Variants in FGF13 observed in about 807,000 individuals in gnomAD.
FGF13 encodes the protein fibroblast growth factor homologous factor 2.
A neutral mutation model predicts 19.5 loss-of-function variants in FGF13; 2 were observed. The ratio of observed to expected loss-of-function variants is 0.10; its 90% CI spans 0.04 to 0.32. The LOEUF is 0.32. Among genes scored for constraint, FGF13 ranks in the 10% least tolerant of loss-of-function variants. The pLI, the probability that FGF13 is intolerant of heterozygous loss-of-function variation, is 1.00. For synonymous variants in FGF13, 72 were observed against 76.9 expected, an observed-to-expected ratio of 0.94 and a Z score of 0.33; for missense variants, 113 against 192.7, an observed-to-expected ratio of 0.59 and a Z score of 2.45.
intron 1 of FGF13, among the ~76,000 whole-genome samples, chrX:139,057,501 C>T (rs745987486): frequency 1.8e-5 from 2 of 111,486 alleles, no homozygotes; most frequent in Admixed American, 9.6e-5. Flanking sequence ...CAGGTATATA[C>T]CCAAAAGAAA....
At chrX:139,204,622 C>A (rs2084451708), upstream of FGF13, among the ~76,000 whole-genome samples, 1 of 112,887 alleles carries the variant, frequency 8.9e-6, no homozygotes, top group South Asian at 3.6e-4. Flanking sequence ...CGCTGCGGGC[C>A]GCCAACTCGA....
intron 1 of FGF13, among the ~76,000 whole-genome samples, chrX:139,075,198 C>T (rs1394998816): frequency 9.0e-6 from 1 of 111,642 alleles, no homozygotes; most frequent in Non-Finnish European, 1.9e-5. Flanking sequence ...GATTCATCCC[C>T]GCCCTATTCT....
In FGF13 at chrX:138,699,865, T is replaced by G. The variant is rs773708406; in HGVS notation, c.402+3119A>C. ...GTCCCTTTCTCAAGTGCTAGGTTCA[T>G]ATTTTCAAATATCCCTTGAAAGCTA... On this transcript the variant is annotated intron_variant, in intron 3 of 4. Coordinates refer to ENST00000315930, the MANE Select transcript of FGF13 (RefSeq NM_004114.5). Among the ~76,000 whole-genome samples the G allele has an allele frequency of 5.3e-4, 59 of 111,906 alleles. 1 individual carries two copies. Among genetic ancestry groups the G allele is most frequent in the Middle Eastern group, 4.6e-3 (1 of 219 alleles).
intron 1 of FGF13, among the ~76,000 whole-genome samples, chrX:138,894,988 G>T (rs2091496455): frequency 8.9e-6 from 1 of 111,802 alleles, no homozygotes; most frequent in East Asian, 2.8e-4. Context: ...TCTTCCCTCG[G>T]ATACAAGGCA....
chrX:139,011,268 G>C (rs2092126751), intron 1 of FGF13, among the ~76,000 whole-genome samples: 1 of 107,643 alleles, frequency 9.3e-6, no homozygotes, highest in African/African-American at 3.4e-5. Context: ...TATTACACAA[G>C]ACAGAGAAAG....
chrX:139,061,729 ATTAAC>A (rs1376547172), intron 1 of FGF13, among the ~76,000 whole-genome samples: 1 of 111,712 alleles, frequency 9.0e-6, no homozygotes, highest in African/African-American at 3.2e-5. Context: ...GCCAACTCTT[ATTAAC>A]TTTTGTTTTT....
intron 1 of FGF13, among the ~76,000 whole-genome samples, chrX:139,174,429 C>A (rs146974973): frequency 1.8e-5 from 2 of 111,932 alleles, no homozygotes; most frequent in African/African-American, 6.5e-5. Flanking sequence ...TGTCAATTTT[C>A]GCTTTTGTTG....
chrX:139,186,716 T>C (rs148752753), intron 1 of FGF13, among the ~76,000 whole-genome samples: 2 of 111,888 alleles, frequency 1.8e-5, no homozygotes, highest in Non-Finnish European at 3.8e-5. Context: ...CCCTTTTACA[T>C]TTACATTTGC....
In FGF13 at chrX:138,718,199, A is replaced by G. The variant is rs150476883; in HGVS notation, c.29-9271T>C. 7.0e-3 allele frequency among the ~76,000 whole-genome samples: 790 copies of G among 112,296 alleles called. 9 individuals are homozygous for G. Among genetic ancestry groups the G allele is most frequent in the African/African-American group, 0.025 (762 of 30,887 alleles). ...TATTTTATGAACTAAGTGATGGCTAACAAACATTAAGTGAGGTGCTTCTAT... is the reference window on the plus strand; with the variant it reads ...TATTTTATGAACTAAGTGATGGCTAGCAAACATTAAGTGAGGTGCTTCTAT... On this transcript the variant is annotated intron_variant, in intron 1 of 4. Coordinates refer to the FGF13 transcript ENST00000305414.
intron 3 of FGF13, among the ~76,000 whole-genome samples, chrX:138,778,786 C>G (rs2090612954): frequency 8.9e-6 from 1 of 112,575 alleles, no homozygotes; most frequent in South Asian, 3.7e-4. Flanking sequence ...ACAAAGCAGC[C>G]CGGAAGCTCG....
At chrX:138,954,891 T>G (rs1265741611) in intron 1 of FGF13, among the ~76,000 whole-genome samples, 1 of 112,124 alleles carries the variant, frequency 8.9e-6, no homozygotes, top group East Asian at 2.8e-4. Flanking sequence ...CATGTTTGAA[T>G]GATGTAGGAA....
chrX:138,835,599 T>C (rs1466049701), intron 3 of FGF13, among the ~76,000 whole-genome samples: 2 of 112,040 alleles, frequency 1.8e-5, no homozygotes, highest in African/African-American at 3.2e-5. Flanking sequence ...AATGGGTCTT[T>C]GATGTTTAGC....
chrX:139,118,749 G>C (rs2083657142), intron 1 of FGF13, among the ~76,000 whole-genome samples: 1 of 111,380 alleles, frequency 9.0e-6, no homozygotes, highest in Admixed American at 9.6e-5. Context: ...TCCTGCCTTT[G>C]CCAGTATCTA....
At chrX:139,068,329 T>C (rs62602247) in intron 1 of FGF13, among the ~76,000 whole-genome samples, 8,243 of 100,831 alleles carry the variant, frequency 0.082, 420 homozygotes, top group Middle Eastern at 0.11. Flanking sequence ...GGCTCTGTTC[T>C]GTTCCATGGA....
intron 1 of FGF13, among the ~76,000 whole-genome samples, chrX:138,964,967 A>G (rs1449574301): frequency 4.5e-5 from 5 of 111,579 alleles, no homozygotes; most frequent in African/African-American, 1.3e-4. Flanking sequence ...CTACATCACC[A>G]CCTATTCCAG....
At chrX:139,107,192 A>G (rs931632305) in intron 1 of FGF13, among the ~76,000 whole-genome samples, 1 of 111,930 alleles carries the variant, frequency 8.9e-6, no homozygotes, top group Non-Finnish European at 1.9e-5. Flanking sequence ...CACTATTATA[A>G]GAGGCACCTG....
intron 1 of FGF13, among the ~76,000 whole-genome samples, chrX:138,899,525 A>C (rs1400860310): frequency 1.8e-5 from 2 of 111,063 alleles, no homozygotes; most frequent in Non-Finnish European, 1.9e-5. Context: ...GCCAAAGTTG[A>C]CATTCTTGAA....
intron 3 of FGF13, among the ~76,000 whole-genome samples, chrX:138,753,834 T>A (rs2090414287): frequency 8.9e-6 from 1 of 112,339 alleles, no homozygotes; most frequent in Admixed American, 9.4e-5. Context: ...ATGCTAGGCT[T>A]CTAATGATGC....
At chrX:138,761,206 G>A (rs142746804) in intron 3 of FGF13, among the ~76,000 whole-genome samples, 1,669 of 111,939 alleles carry the variant, frequency 0.015, 18 homozygotes, top group African/African-American at 0.051. Context: ...GGCCTTTGAC[G>A]ATACTTTTTT....
Sources: allele counts gnomAD v4.1 joint callset (sites outside exome capture counted in the v4.1 genomes callset), GRCh38; gene constraint gnomAD v4.1.1; transcripts MANE v1.5; gene names NCBI Gene and HGNC (gene_info 2026-07-23, HGNC 2026-07-21).